DLGAP2: variants seen among roughly 807,000 people sequenced by gnomAD.
DLGAP2 encodes the protein DLG associated protein 2.
A neutral mutation model predicts 100.3 loss-of-function variants in DLGAP2; 26 were observed. The observed-to-expected ratio is 0.26, with a 90% CI of 0.19 to 0.36. DLGAP2 has a LOEUF of 0.36. DLGAP2 is among the 10% of genes least tolerant of loss of function. DLGAP2 has a pLI of 1.00. For synonymous variants in DLGAP2, 886 were observed against 630.1 expected (o/e 1.41, Z -6.08); for missense variants, 1,858 against 1,453.2 (o/e 1.28, Z -4.53).
At chr8:1,323,155 G>C (rs1465642332) in intron 3 of DLGAP2, among the ~76,000 whole-genome samples, 4 of 151,642 alleles carry the variant, frequency 2.6e-5, no homozygotes, top group African/African-American at 9.7e-5. Flanking sequence ...TCAGCCTCCT[G>C]AGTAGCTGGG....
intron 3 of DLGAP2, among the ~76,000 whole-genome samples, chr8:1,278,140 G>T (rs192323888): frequency 2.0e-5 from 3 of 152,192 alleles, no homozygotes; most frequent in Non-Finnish European, 4.4e-5. Flanking sequence ...TGGCATCCGT[G>T]CTCACGGAAG....
At chr8:1,125,891 C>T (rs1442367528) in intron 2 of DLGAP2, among the ~76,000 whole-genome samples, 44 of 152,168 alleles carry the variant, frequency 2.9e-4, no homozygotes, top group Admixed American at 2.9e-3. Context: ...GCAGGGAGGA[C>T]TGTGGGAGTT....
chr8:1,164,214 G>A (rs11777940), intron 2 of DLGAP2, among the ~76,000 whole-genome samples: 199 of 86,992 alleles, frequency 2.3e-3, no homozygotes, highest in Middle Eastern at 0.013. Flanking sequence ...CCCAGGGCCC[G>A]TCATTTTGGT....
At chr8:1,548,315 C>T (rs2404623) in intron 4 of DLGAP2, among the ~76,000 whole-genome samples, 78,296 of 148,916 alleles carry the variant, frequency 0.53, 20,856 homozygotes, top group African/African-American at 0.6. Flanking sequence ...CAAAATTAGC[C>T]GGGCGTGGTG....
At chr8:1,186,169 T>C (rs1431254626) in intron 2 of DLGAP2, among the ~76,000 whole-genome samples, 2 of 152,206 alleles carry the variant, frequency 1.3e-5, no homozygotes, top group African/African-American at 2.4e-5. Context: ...TTGTGAACAT[T>C]GGTGCCAGGA....
intron 3 of DLGAP2, among the ~76,000 whole-genome samples, chr8:1,408,767 G>C (rs1243689029): frequency 1.3e-5 from 2 of 152,104 alleles, no homozygotes; most frequent in African/African-American, 2.4e-5. Flanking sequence ...GGGAACTCGT[G>C]GCAGCTCTAC....
rs534173348 is a variant in DLGAP2, at chr8:806,004, A to T, written c.18+68179A>T. Among the ~76,000 whole-genome samples the T allele has an allele frequency of 3.3e-5, 5 of 152,334 alleles. No homozygotes were observed. In the East Asian group the frequency reaches 9.7e-4, roughly 29 times the overall value. The stretch of plus-strand genomic sequence containing the variant: ...CCATCTAGCCCTTCCGTTTTGAGGA[A>T]GAAAAAGATAGAATGATGCATTTTG... On this transcript the variant is annotated intron_variant, in intron 1 of 14. Transcript: ENST00000637795.
At chr8:982,115 G>C (rs1433975792) in intron 2 of DLGAP2, among the ~76,000 whole-genome samples, 1 of 152,186 alleles carries the variant, frequency 6.6e-6, no homozygotes, top group Non-Finnish European at 1.5e-5. Context: ...CCTCCCAAGG[G>C]GCCTGGCTCT....
At chr8:1,677,080 TA>T (rs1312607999) in intron 11 of DLGAP2, among the ~76,000 whole-genome samples, 1 of 152,232 alleles carries the variant, frequency 6.6e-6, no homozygotes, top group Non-Finnish European at 1.5e-5. Flanking sequence ...GTTATTTTTG[TA>T]ACAAGGCAGG....
At chr8:1,012,498 C>A (rs1801320132) in intron 2 of DLGAP2, among the ~76,000 whole-genome samples, 1 of 148,124 alleles carries the variant, frequency 6.8e-6, no homozygotes, top group East Asian at 2.0e-4. Context: ...ACCAGCCCCC[C>A]ACTTCAGCGG....
chr8:1,701,524 C>T lies in DLGAP2; in HGVS notation c.*118C>T. On this transcript the variant is annotated 3_prime_UTR_variant, in exon 15 of 15. Transcript: ENST00000637795. The stretch of plus-strand genomic sequence containing the variant: ...CGCTGAACACGTCCTCGCTCCCGCG[C>T]TCCCCGCGCCCCGGACACAGCGGGA... 1 of 1,136,520 alleles carries T rather than the reference C, an allele frequency of 8.8e-7. No individual in the cohort carries two copies. Among genetic ancestry groups the T allele is most frequent in the Non-Finnish European group, 1.2e-6 (1 of 825,298 alleles). 70.4% of individuals were successfully genotyped at this position (1,136,520 alleles called of 1,614,324 possible).
At position 1,088,845 on chromosome 8, in the gene DLGAP2, C is replaced by T. The variant is rs1370441924; in HGVS notation, c.74-170006C>T. Among the ~76,000 whole-genome samples the T allele has an allele frequency of 6.8e-3, 488 of 71,840 alleles. 7 individuals carry two copies. Among genetic ancestry groups the T allele is most frequent in the Non-Finnish European group, 9.7e-3 (289 of 29,786 alleles). 47.1% of individuals were successfully genotyped at this position (71,840 alleles called of 152,430 possible). On this transcript the variant is annotated intron_variant, in intron 2 of 14. Transcript: ENST00000637795. ...CCAGCAGGCTATGCCATTCTCGCTC[C>T]CCCCACCCCACTCTCTCCACCCCTC...
intron 4 of DLGAP2, among the ~76,000 whole-genome samples, chr8:1,542,455 G>A (rs73544313): frequency 1.3e-5 from 2 of 152,198 alleles, no homozygotes; most frequent in South Asian, 2.1e-4. Context: ...TTTGAGATCT[G>A]CCTGTTCTGC....
At chr8:762,471 CAG>C (rs1821111150) in intron 1 of DLGAP2, among the ~76,000 whole-genome samples, 1 of 152,224 alleles carries the variant, frequency 6.6e-6, no homozygotes, top group African/African-American at 2.4e-5. Flanking sequence ...AGAGGTGAAA[CAG>C]AGTAAAAGTA....
At chr8:1,208,430 C>G (rs1190298969) in intron 2 of DLGAP2, among the ~76,000 whole-genome samples, 2 of 152,204 alleles carry the variant, frequency 1.3e-5, no homozygotes, top group African/African-American at 2.4e-5. Flanking sequence ...TCCAGCATCA[C>G]TTTATGATTA....
intron 1 of DLGAP2, among the ~76,000 whole-genome samples, chr8:765,511 C>T (rs1055754473): frequency 1.3e-5 from 2 of 152,144 alleles, no homozygotes; most frequent in African/African-American, 4.8e-5. Context: ...GGCATTTGAC[C>T]TGACTCAAAT....
intron 2 of DLGAP2, among the ~76,000 whole-genome samples, chr8:1,076,949 CCCAA>C (rs1803636291): frequency 1.4e-5 from 2 of 145,530 alleles, no homozygotes; most frequent in African/African-American, 5.3e-5. Flanking sequence ...TCCCGGGCCC[CCCAA>C]GACCAAGAGG....
chr8:825,548 C>T (rs989267945), intron 1 of DLGAP2, among the ~76,000 whole-genome samples: 1 of 152,190 alleles, frequency 6.6e-6, no homozygotes, highest in African/African-American at 2.4e-5. Context: ...CATCTTGTTC[C>T]CTTATTATCT....
chr8:1,231,908 A>G (rs934868415), intron 2 of DLGAP2, among the ~76,000 whole-genome samples: 9 of 152,152 alleles, frequency 5.9e-5, no homozygotes, highest in Admixed American at 1.3e-4. Flanking sequence ...GCATCCTACA[A>G]TAGACCCAGG....
Sources: allele counts gnomAD v4.1 joint callset (sites outside exome capture counted in the v4.1 genomes callset), GRCh38; gene constraint gnomAD v4.1.1; transcripts MANE v1.5; gene names NCBI Gene and HGNC (gene_info 2026-07-23, HGNC 2026-07-21).